The following SHLD1 variants were observed in gnomAD, a reference collection of about 807,000 sequenced individuals.
The protein encoded by SHLD1 is RINN1-REV7-interacting novel NHEJ regulator 3.
In SHLD1, 3 loss-of-function variants were observed where a neutral mutation model predicts 5.5. That is an observed-to-expected ratio of 0.54 (90% CI 0.25 to 1.40). SHLD1 has a LOEUF of 1.40. Ranked by LOEUF, SHLD1 falls within the 40% of genes most tolerant of loss-of-function variation. The pLI is 0.15. For missense variants in SHLD1, 210 were observed against 244.4 expected, an observed-to-expected ratio of 0.86 and a Z score of 0.94; for synonymous variants, 92 against 94.3, an observed-to-expected ratio of 0.98 and a Z score of 0.14.
chr20:5,783,607 G>C (rs73594837), intron 2 of SHLD1, among the ~76,000 whole-genome samples: 2,187 of 152,308 alleles, frequency 0.014, 39 homozygotes, highest in African/African-American at 0.05. Context: ...GCATGCTGCT[G>C]TTAGAAGGCA....
intron 2 of SHLD1, among the ~76,000 whole-genome samples, chr20:5,816,053 T>G (rs1479859084): frequency 6.6e-5 from 9 of 137,032 alleles, no homozygotes; most frequent in African/African-American, 2.5e-4. Flanking sequence ...TGCACTCCAG[T>G]CTGGGTGACA....
At chr20:5,853,256 G>T (rs954271927) in intron 2 of SHLD1, among the ~76,000 whole-genome samples, 1 of 152,018 alleles carries the variant, frequency 6.6e-6, no homozygotes, top group Non-Finnish European at 1.5e-5. Context: ...GACCAGCCTG[G>T]CCAACATGGC....
chr20:5,787,671 CACA>C (rs1384387083), intron 2 of SHLD1, among the ~76,000 whole-genome samples: 1 of 152,146 alleles, frequency 6.6e-6, no homozygotes, highest in African/African-American at 2.4e-5. Flanking sequence ...CAGTTCCTGG[CACA>C]TGGTAGGTGC....
intron 2 of SHLD1, among the ~76,000 whole-genome samples, chr20:5,799,606 G>A (rs191040672): frequency 1.1e-3 from 166 of 151,554 alleles, no homozygotes; most frequent in African/African-American, 3.8e-3. Context: ...GAGCCACCGC[G>A]CCCAGCCTTC....
In SHLD1 at chr20:5,844,790, TATATATATA is replaced by T. The variant is rs1262529750; in HGVS notation, c.179-18233_179-18225del. On this transcript the variant is annotated intron_variant, in intron 2 of 2. Transcript: ENST00000303142. ...GTAGACATATATATATATATATATA[TATATATATA>T]TTTTTTTTTTTTTGAGACACAGTCT... Among the ~76,000 whole-genome samples the T allele has an allele frequency of 3.2e-3, 344 of 107,780 alleles. 4 individuals carry two copies. Among genetic ancestry groups the T allele is most frequent in the Middle Eastern group, 0.017 (4 of 236 alleles). 70.7% of individuals were successfully genotyped at this position (107,780 alleles called of 152,430 possible).
In SHLD1 at chr20:5,820,774, T is replaced by G. The variant is rs73596831; in HGVS notation, c.179-42250T>G. On this transcript the variant is annotated intron_variant, in intron 2 of 2. Transcript: ENST00000303142. ...ATGTCTCCTTTGATCTTTTCTCCTT[T>G]TTGTCTCTAGGTTTGATGTACAAGC... Among the ~76,000 whole-genome samples the G allele has an allele frequency of 7.6e-3, 1,163 of 152,358 alleles. 9 individuals carry two copies. Among genetic ancestry groups the G allele is most frequent in the African/African-American group, 0.027 (1,128 of 41,578 alleles).
At chr20:5,792,289 T>C (rs1197096695) in intron 2 of SHLD1, among the ~76,000 whole-genome samples, 1 of 152,232 alleles carries the variant, frequency 6.6e-6, no homozygotes, top group Non-Finnish European at 1.5e-5. Context: ...AAGCTTTTCC[T>C]CTGTGCTTTC....
intron 2 of SHLD1, among the ~76,000 whole-genome samples, chr20:5,837,252 C>T (rs1363999030): frequency 6.6e-6 from 1 of 152,180 alleles, no homozygotes; most frequent in South Asian, 2.1e-4. Flanking sequence ...ATTGGCCTCC[C>T]CTCCGCCCAC....
chr20:5,856,869 A>C (rs2088093082), intron 2 of SHLD1, among the ~76,000 whole-genome samples: 1 of 152,232 alleles, frequency 6.6e-6, no homozygotes, highest in African/African-American at 2.4e-5. Flanking sequence ...AAGTTACGTA[A>C]TTTAAGTTTA....
intron 2 of SHLD1, among the ~76,000 whole-genome samples, chr20:5,826,910 C>T (rs1248303945): frequency 1.3e-5 from 2 of 151,896 alleles, no homozygotes; most frequent in East Asian, 3.9e-4. Context: ...CTCATATCCC[C>T]CCCTTCACCA....
Position 5,851,535 on chromosome 20 carries a change from G to C in SHLD1, c.179-11489G>C, listed in dbSNP as rs114251723. ...AAAAGAGAAGTCTACACCAGCCGTT[G>C]TCCAATAAAAATATTATGTGAGTAA... On this transcript the variant is annotated intron_variant, in intron 2 of 2. Coordinates refer to ENST00000303142, the MANE Select transcript of SHLD1 (RefSeq NM_152504.4). Among the ~76,000 whole-genome samples, 962 of 150,046 alleles carry C rather than the reference G, an allele frequency of 6.4e-3. 10 individuals carry two copies. The highest frequency in any genetic ancestry group is 0.022 in the African/African-American group (923 of 41,088).
At chr20:5,846,362 G>A (rs1259317606) in intron 2 of SHLD1, among the ~76,000 whole-genome samples, 2 of 152,140 alleles carry the variant, frequency 1.3e-5, no homozygotes, top group Non-Finnish European at 2.9e-5. Flanking sequence ...TTTTTCTTAC[G>A]CGTAAGGTTG....
intron 1 of SHLD1, among the ~76,000 whole-genome samples, chr20:5,762,443 C>T (rs1339690976): frequency 6.6e-6 from 1 of 152,146 alleles, no homozygotes. Context: ...TCCAGCCATA[C>T]TCTCTGAGTG....
At chr20:5,752,615 G>GTTT (rs776510495) in intron 1 of SHLD1, among the ~76,000 whole-genome samples, 2,576 of 120,538 alleles carry the variant, frequency 0.021, 110 homozygotes, top group African/African-American at 0.073. Flanking sequence ...ATATTTTGGG[G>GTTT]TTTTTTTTTT....
intron 2 of SHLD1, among the ~76,000 whole-genome samples, chr20:5,776,250 T>G (rs996771061): frequency 3.3e-5 from 5 of 152,072 alleles, no homozygotes; most frequent in African/African-American, 1.2e-4. Context: ...GCTCAGGCTT[T>G]TATCACAAAT....
At chr20:5,821,850 C>T (rs1444855889) in intron 2 of SHLD1, among the ~76,000 whole-genome samples, 1 of 152,158 alleles carries the variant, frequency 6.6e-6, no homozygotes, top group African/African-American at 2.4e-5. Context: ...CAGTCAGCTT[C>T]CCCACAGTGA....
chr20:5,781,364 C>T (rs112855612), intron 2 of SHLD1, among the ~76,000 whole-genome samples: 1,802 of 152,242 alleles, frequency 0.012, 41 homozygotes, highest in African/African-American at 0.041. Flanking sequence ...TACCACTGCA[C>T]TCTAGCCTGC....
At chr20:5,851,828 T>A (rs913933375) in intron 2 of SHLD1, among the ~76,000 whole-genome samples, 2 of 151,888 alleles carry the variant, frequency 1.3e-5, no homozygotes, top group Non-Finnish European at 2.9e-5. Context: ...GGGGCATTTT[T>A]AAATTTTTAA....
intron 1 of SHLD1, among the ~76,000 whole-genome samples, chr20:5,771,480 T>A (rs961644758): frequency 6.6e-6 from 1 of 152,238 alleles, no homozygotes; most frequent in Non-Finnish European, 1.5e-5. Flanking sequence ...TCCTTGCTGA[T>A]GTCTTTGTGT....
Sources: gnomAD v4.1 joint callset for allele counts (sites outside exome capture counted in the v4.1 genomes callset) on GRCh38, gnomAD v4.1.1 for gene constraint, MANE v1.5 for transcripts, NCBI Gene and HGNC (gene_info 2026-07-23, HGNC 2026-07-21) for gene names.